The following FBXW8 variants were observed in gnomAD, a reference collection of about 807,000 sequenced individuals.
FBXW8 encodes F-box/WD repeat-containing protein 8.
In FBXW8, 57 loss-of-function variants were observed where a neutral mutation model predicts 65.3. That is an observed-to-expected ratio of 0.87 (90% CI 0.71 to 1.09). The LOEUF (loss-of-function observed/expected upper bound fraction) is 1.09. FBXW8 is among the 50% of genes least tolerant of loss of function. FBXW8 has a pLI of 0.00. For missense variants in FBXW8, 777 were observed against 814.8 expected (o/e 0.95, Z 0.57); for synonymous variants, 308 against 330.2 (o/e 0.93, Z 0.73).
At chr12:116,949,881 G>A (rs116549491) in intron 4 of FBXW8, 175 bp downstream of exon 4, 224 of 636,514 alleles carry the variant, frequency 3.5e-4, no homozygotes, top group African/African-American at 2.7e-3. Flanking sequence ...ACGTGAGAGC[G>A]CGCAGCAAGG....
At chr12:116,924,461 T>C (rs934488303) in intron 1 of FBXW8, among the ~76,000 whole-genome samples, 4 of 152,208 alleles carry the variant, frequency 2.6e-5, no homozygotes, top group Non-Finnish European at 2.9e-5. Context: ...TATTTGAAAA[T>C]ATACAATAAA....
rs187306852 is a variant in FBXW8, at chr12:116,929,234, A to G, written c.423+1107A>G. 2.3e-4 allele frequency among the ~76,000 whole-genome samples: 34 copies of G among 150,764 alleles called. No individual in the cohort carries two copies. In the East Asian group the frequency reaches 6.4e-3, roughly 28 times the overall value. The stretch of plus-strand genomic sequence containing the variant: ...CTTTTTGGCCAAGAGTGTGTGATTG[A>G]TTTTTCTTTTCTTTTTTTGAGACAG... On this transcript the variant is annotated intron_variant, in intron 2 of 10. Transcript: ENST00000652555.
chr12:117,003,465 A>T (rs1439684417), intron 7 of FBXW8, among the ~76,000 whole-genome samples: 1 of 143,608 alleles, frequency 7.0e-6, no homozygotes, highest in East Asian at 2.0e-4. Context: ...TATTCTATGT[A>T]TTTAACCCCC....
chr12:117,027,795 C>T (rs915162883), intron 10 of FBXW8, among the ~76,000 whole-genome samples: 2 of 152,236 alleles, frequency 1.3e-5, no homozygotes, highest in African/African-American at 2.4e-5. Context: ...GCAAGGCCCG[C>T]CCTCTTGAGT....
At chr12:116,925,891 G>A (rs944865612) in intron 1 of FBXW8, among the ~76,000 whole-genome samples, 3 of 152,128 alleles carry the variant, frequency 2.0e-5, no homozygotes, top group African/African-American at 7.2e-5. Flanking sequence ...TTGGTAAGGT[G>A]ACTGAACAGG....
chr12:116,910,985 C>T lies in FBXW8; in HGVS notation c.-53C>T. On this transcript the variant is annotated 5_prime_UTR_variant, in exon 1 of 11. Transcript: ENST00000652555. Reference sequence around the variant, plus strand: ...CGGACACTTCCCTGGGCGGGACTGTCTCGTGGCACCCGGTGGAACCGAGGA... The same window carrying T: ...CGGACACTTCCCTGGGCGGGACTGTTTCGTGGCACCCGGTGGAACCGAGGA... The T allele has an allele frequency of 1.5e-6, 2 of 1,340,850 alleles. No homozygotes were observed. The highest frequency in any genetic ancestry group is 9.5e-7 in the Non-Finnish European group (1 of 1,050,248). The allele number at this position is 1,340,850 out of a possible 1,614,324, so 83.1% of individuals were successfully genotyped here.
chr12:116,996,528 T>C (rs919229358), intron 7 of FBXW8, among the ~76,000 whole-genome samples: 6 of 151,856 alleles, frequency 4.0e-5, no homozygotes, highest in Non-Finnish European at 8.8e-5. Flanking sequence ...AAAAACTTGG[T>C]ATTTTACAAG....
intron 7 of FBXW8, among the ~76,000 whole-genome samples, chr12:117,000,351 G>A (rs998222499): frequency 6.6e-6 from 1 of 152,226 alleles, no homozygotes; most frequent in East Asian, 1.9e-4. Context: ...GAAGCAGGAA[G>A]TAAGCACTGA....
At chr12:116,946,896 T>C (rs1180499672) in intron 3 of FBXW8, among the ~76,000 whole-genome samples, 2 of 152,108 alleles carry the variant, frequency 1.3e-5, no homozygotes, top group Non-Finnish European at 2.9e-5. Context: ...GCTTGAGAGC[T>C]GAATGTTAAC....
intron 7 of FBXW8, among the ~76,000 whole-genome samples, chr12:116,993,130 G>A (rs1953291863): frequency 9.1e-6 from 1 of 110,376 alleles, no homozygotes; most frequent in Admixed American, 1.5e-4. Context: ...TTGAGATGAC[G>A]TCTTGCTCTG....
chr12:117,014,916 T>G (rs1037854678), intron 8 of FBXW8, among the ~76,000 whole-genome samples: 13 of 152,186 alleles, frequency 8.5e-5, no homozygotes, highest in African/African-American at 3.1e-4. Context: ...CTTCAGGGAC[T>G]CCTATCCCTT....
chr12:116,983,513 T>G (rs1437880482), intron 5 of FBXW8, among the ~76,000 whole-genome samples: 1 of 152,206 alleles, frequency 6.6e-6, no homozygotes, highest in African/African-American at 2.4e-5. Context: ...GCAGCCCAAA[T>G]GTATTATTTT....
At chr12:116,919,082 T>A (rs1408009652) in intron 1 of FBXW8, among the ~76,000 whole-genome samples, 2 of 152,276 alleles carry the variant, frequency 1.3e-5, no homozygotes, top group East Asian at 3.9e-4. Context: ...GTTATATGAA[T>A]GTGGGCTCTC....
rs550560073 is a variant in FBXW8 at position 116,936,967 on chromosome 12, G to A, written c.424-8397G>A. On this transcript the variant is annotated intron_variant, in intron 2 of 10. Coordinates refer to ENST00000652555, the MANE Select transcript of FBXW8 (RefSeq NM_153348.3). This position sits in a 1 kb window ranked among gnomAD's most constrained non-coding sequence, Gnocchi z 4.6. The stretch of plus-strand genomic sequence containing the variant: ...CTGCTGTGTGGAGAATCGGTTGTTG[G>A]GGGACAAGGACAGCAGCAAGGAGAC... 6.6e-6 allele frequency among the ~76,000 whole-genome samples: 1 copy of A among 152,234 alleles called. No individual in the cohort carries two copies. Among genetic ancestry groups the A allele is most frequent in the East Asian group, 1.9e-4 (1 of 5,184 alleles).
chr12:117,020,216 T>C (rs1354619117), intron 8 of FBXW8, among the ~76,000 whole-genome samples: 2 of 152,274 alleles, frequency 1.3e-5, no homozygotes, highest in Non-Finnish European at 2.9e-5. Context: ...TTCCAGTTCA[T>C]GACAGCTAAA....
chr12:116,953,147 C>T (rs187763238), intron 4 of FBXW8, among the ~76,000 whole-genome samples: 2 of 152,340 alleles, frequency 1.3e-5, no homozygotes, highest in Admixed American at 1.3e-4. Flanking sequence ...TTGTCCCCTG[C>T]CACCTATATA....
intron 5 of FBXW8, among the ~76,000 whole-genome samples, chr12:116,980,593 A>G (rs546131532): frequency 6.6e-6 from 1 of 152,324 alleles, no homozygotes; most frequent in East Asian, 1.9e-4. Flanking sequence ...GTATGATAAC[A>G]CTTGACCTTT....
chr12:117,027,519 C>T lies in FBXW8; in HGVS notation c.1652+15C>T, dbSNP rs201151642. The T allele has an allele frequency of 1.6e-5, 26 of 1,601,314 alleles. No individual in the cohort carries two copies. The East Asian group carries it at 3.6e-4, about 22-fold the overall frequency. Reference sequence around the variant, plus strand: ...ACTCACAGGAGGTTAGTGGTGGGGCCGGGCGAGTAAGAGACCATCTTAGTT... The same window carrying T: ...ACTCACAGGAGGTTAGTGGTGGGGCTGGGCGAGTAAGAGACCATCTTAGTT... On this transcript the variant is annotated intron_variant, in intron 10 of 10. Coordinates refer to ENST00000652555, the MANE Select transcript of FBXW8 (RefSeq NM_153348.3).
intron 8 of FBXW8, among the ~76,000 whole-genome samples, chr12:117,022,100 AG>A (rs1954113184): frequency 6.6e-6 from 1 of 152,158 alleles, no homozygotes; most frequent in Non-Finnish European, 1.5e-5. Flanking sequence ...TTAGCCCTGG[AG>A]GCAGCTGGTC....
Sources: gnomAD v4.1 joint callset for allele counts (sites outside exome capture counted in the v4.1 genomes callset) on GRCh38, gnomAD v4.1.1 for gene constraint, Gnocchi (gnomAD v3.1) non-coding constraint, MANE v1.5 for transcripts, NCBI Gene and HGNC (gene_info 2026-07-23, HGNC 2026-07-21) for gene names.